Variants in ANO6 observed in about 807,000 individuals in gnomAD.
ANO6 encodes anoctamin 6.
Under a neutral mutation model 117.5 loss-of-function variants are expected in ANO6, and 106 were observed. The observed-to-expected ratio is 0.90, with a 90% CI of 0.77 to 1.06. The LOEUF (loss-of-function observed/expected upper bound fraction) is 1.06, where lower values mean the gene tolerates loss of function less well. Among genes scored for constraint, ANO6 ranks in the 50% least tolerant of loss-of-function variants. The pLI, the probability that ANO6 is intolerant of heterozygous loss-of-function variation, is 0.00. For synonymous variants in ANO6, 367 were observed against 385.1 expected (o/e 0.95, Z 0.55); for missense variants, 955 against 1,121.1 (o/e 0.85, Z 2.12).
chr12:45,350,673 T>C lies in ANO6; in HGVS notation c.762T>C (p.Arg254=). The part of the protein sequence containing the change: ...AFPLHDCKFR[R]QSEDPSCPNE... ...CTGCGTCACAGTGCAAATTCCGCCG[T>C]CAGTCAGAGGATCCCAGCTGCCCTA... is the stretch of plus-strand genomic sequence containing the variant. The change falls in exon 7 of 20, where the codon CGT becomes CGC. Residue 254 remains arginine, a synonymous_variant. Transcript: ENST00000320560. 6.2e-7 allele frequency: 1 copy of C among 1,613,752 alleles called. No homozygotes were observed. The highest frequency in any genetic ancestry group is 8.5e-7 in the Non-Finnish European group (1 of 1,179,746).
At chr12:45,420,957 G>A in intron 17 of ANO6, 114 bp from the exon 18 acceptor site, 5 of 1,130,098 alleles carry the variant, frequency 4.4e-6, no homozygotes, top group Non-Finnish European at 6.6e-6. Flanking sequence ...CCCAAGAGGT[G>A]GAGGTTGCAG....
rs565863683 is a variant in ANO6 at position 45,377,328 on chromosome 12, G to C, written c.1105-725G>C. On this transcript the variant is annotated intron_variant, in intron 9 of 19. Transcript: ENST00000320560. ...AAAATATTTTCCAGGAACTCATAGA[G>C]GGAGATAGGCTACATATATAATAGC... is the stretch of plus-strand genomic sequence containing the variant. 2.0e-5 allele frequency among the ~76,000 whole-genome samples: 3 copies of C among 152,240 alleles called. No individual in the cohort carries two copies. In the East Asian group the frequency reaches 5.8e-4, roughly 29 times the overall value.
At chr12:45,384,595 G>A (rs1165375315) in intron 10 of ANO6, among the ~76,000 whole-genome samples, 1 of 152,210 alleles carries the variant, frequency 6.6e-6, no homozygotes, top group African/African-American at 2.4e-5. Flanking sequence ...GAGAGGCAGA[G>A]AGATGGGGAA....
chr12:45,219,458 C>T lies in ANO6; in HGVS notation c.70+3067C>T, dbSNP rs1010999054. Among the ~76,000 whole-genome samples the T allele has an allele frequency of 1.1e-4, 17 of 151,204 alleles. 1 individual carries two copies. In the South Asian group the frequency reaches 3.6e-3, roughly 32 times the overall value. On this transcript the variant is annotated intron_variant, in intron 1 of 19. Coordinates refer to ENST00000320560, the MANE Select transcript of ANO6 (RefSeq NM_001025356.3). ...TCAAGCAATTCTCCAACCTTAGCCT[C>T]TTGAGTAGCTGGGACCACAGGCCTT...
intron 2 of ANO6, among the ~76,000 whole-genome samples, chr12:45,320,729 C>T (rs903842315): frequency 6.6e-6 from 1 of 152,050 alleles, no homozygotes; most frequent in Admixed American, 6.6e-5. Flanking sequence ...GTTAAAGTCT[C>T]CCATTATTAT....
At chr12:45,312,540 T>C (rs534524060) in intron 2 of ANO6, among the ~76,000 whole-genome samples, 1 of 152,070 alleles carries the variant, frequency 6.6e-6, no homozygotes, top group African/African-American at 2.4e-5. Flanking sequence ...AAAGATGATT[T>C]GAAATCTTTT....
chr12:45,255,147 T>C (rs946593317), intron 1 of ANO6, among the ~76,000 whole-genome samples: 1 of 152,256 alleles, frequency 6.6e-6, no homozygotes, highest in East Asian at 1.9e-4. Context: ...CTATCATTCA[T>C]TTATAATCTC....
chr12:45,376,784 A>G (rs1310046647), intron 9 of ANO6, among the ~76,000 whole-genome samples: 1 of 151,902 alleles, frequency 6.6e-6, no homozygotes, highest in Non-Finnish European at 1.5e-5. Context: ...GCGCACCAAC[A>G]TGGCACATGT....
chr12:45,371,065 G>C (rs1042497315), intron 9 of ANO6, among the ~76,000 whole-genome samples: 1 of 152,188 alleles, frequency 6.6e-6, no homozygotes. Context: ...AAGGGGTCAG[G>C]GAGTTCCCTT....
chr12:45,278,939 A>G (rs1938637068), intron 1 of ANO6, among the ~76,000 whole-genome samples: 1 of 152,220 alleles, frequency 6.6e-6, no homozygotes, highest in Non-Finnish European at 1.5e-5. Flanking sequence ...AATCAGACCA[A>G]GAGAAAATAC....
chr12:45,346,400 A>AGG (rs1941132606), intron 3 of ANO6, among the ~76,000 whole-genome samples: 2 of 152,212 alleles, frequency 1.3e-5, no homozygotes, highest in Non-Finnish European at 2.9e-5. Flanking sequence ...GTATCTTTTG[A>AGG]AATGGCCATG....
Position 45,409,355 on chromosome 12 carries a change from A to G in ANO6, c.1881-2A>G. 1.2e-6 allele frequency: 2 copies of G among 1,613,928 alleles called. No homozygotes were observed. The highest frequency in any genetic ancestry group is 1.7e-6 in the Non-Finnish European group (2 of 1,179,856). ...TAATTTATAAATTGTTCTTTTTGGC[A>G]GCTGGATCATGAATCTAATTGGGCG... On this transcript the variant is annotated splice_acceptor_variant, in intron 15 of 19. Transcript: ENST00000320560. LOFTEE classifies it high-confidence loss of function.
chr12:45,322,626 CAGT>C (rs941507022), intron 2 of ANO6, among the ~76,000 whole-genome samples: 2 of 152,024 alleles, frequency 1.3e-5, no homozygotes, highest in Non-Finnish European at 2.9e-5. Flanking sequence ...GCAAGGAGAC[CAGT>C]GGGTTGTTAA....
chr12:45,372,300 C>T (rs1329614389), intron 9 of ANO6, among the ~76,000 whole-genome samples: 2 of 135,228 alleles, frequency 1.5e-5, no homozygotes, highest in African/African-American at 5.7e-5. Context: ...GGATATTATC[C>T]AGGAGAACTT....
In ANO6 at chr12:45,409,443, A is replaced by G. The variant is rs1943030616; in HGVS notation, c.1967A>G (p.Gln656Arg). 1.2e-6 allele frequency: 2 copies of G among 1,614,090 alleles called. No homozygotes were observed. Among genetic ancestry groups the G allele is most frequent in the East Asian group, 4.5e-5 (2 of 44,872 alleles). The change falls in exon 16 of 20, where the codon CAG (glutamine) becomes CGG (arginine). Residue 656 changes from glutamine (Q) to arginine (R), a missense_variant. By Grantham distance (43) the Gln-to-Arg change is conservative (BLOSUM62 1). Coordinates refer to ENST00000320560, the MANE Select transcript of ANO6 (RefSeq NM_001025356.3). ...CGATGGGAACAGGACTACCATCTGC[A>G]GCCTATGGGCAAACTGGGATTATTT... ...TPRWEQDYHL[Q>R]PMGKLGLFYE...
In ANO6 at chr12:45,273,892, T is replaced by C. The variant is rs147734836; in HGVS notation, c.71-28122T>C. On this transcript the variant is annotated intron_variant, in intron 1 of 19. Transcript: ENST00000320560. ...ATACACTTATGGGTAAGGAATGTTA[T>C]CACAGAGGATTGTTCATTCATCATG... 1.2e-3 allele frequency among the ~76,000 whole-genome samples: 186 copies of C among 152,334 alleles called. 1 individual carries two copies. Among genetic ancestry groups the C allele is most frequent in the African/African-American group, 4.3e-3 (180 of 41,570 alleles).
At chr12:45,221,873 ACTC>A (rs1762367006) in intron 1 of ANO6, among the ~76,000 whole-genome samples, 1 of 121,038 alleles carries the variant, frequency 8.3e-6, no homozygotes, top group African/African-American at 3.2e-5. Context: ...TCCCTCCCCG[ACTC>A]CTTTTTTTTT....
At position 45,303,825 on chromosome 12, in the gene ANO6, A is replaced by C. The variant is rs374758318; in HGVS notation, c.150+1732A>C. ...TTTCACAGTGAATCTGAGAACACCCAAGCTGGAAGGAGATTCTTGGGCTAA... is the reference window on the plus strand; with the variant it reads ...TTTCACAGTGAATCTGAGAACACCCCAGCTGGAAGGAGATTCTTGGGCTAA... On this transcript the variant is annotated intron_variant, in intron 2 of 19. Coordinates refer to ENST00000320560, the MANE Select transcript of ANO6 (RefSeq NM_001025356.3). Among the ~76,000 whole-genome samples, 6 of 152,220 alleles carry C rather than the reference A, an allele frequency of 3.9e-5. No homozygotes were observed. In the South Asian group the frequency reaches 1.2e-3, roughly 32 times the overall value.
chr12:45,432,772 A>G (rs1943661718), downstream of ANO6, among the ~76,000 whole-genome samples: 2 of 152,218 alleles, frequency 1.3e-5, no homozygotes, highest in East Asian at 3.8e-4. Context: ...AAAACTAGAA[A>G]CGTCTTTCTC....
Sources: gnomAD v4.1 joint callset for allele counts (sites outside exome capture counted in the v4.1 genomes callset) on GRCh38, gnomAD v4.1.1 for gene constraint, MANE v1.5 for transcripts, NCBI Gene and HGNC (gene_info 2026-07-23, HGNC 2026-07-21) for gene names.